The following ZBTB41 variants were observed in gnomAD, a reference collection of about 807,000 sequenced individuals.
The protein encoded by ZBTB41 is zinc finger and BTB domain containing 41, also known as zinc finger and BTB domain-containing protein 41.
In ZBTB41, 42 loss-of-function variants were observed where a neutral mutation model predicts 87.6. The observed-to-expected ratio is 0.48, with a 90% confidence interval of 0.37 to 0.62. The LOEUF (loss-of-function observed/expected upper bound fraction) is 0.62, where lower values mean the gene tolerates loss of function less well. ZBTB41 is among the 20% of genes least tolerant of loss of function. ZBTB41 has a pLI of 0.00. For missense variants in ZBTB41, 799 were observed against 1,078.9 expected, an observed-to-expected ratio of 0.74 and a Z score of 3.63; for synonymous variants, 364 against 364.0, an observed-to-expected ratio of 1.00 and a Z score of 0.00.
chr1:197,176,374 T>A (rs941609230), intron 8 of ZBTB41, among the ~76,000 whole-genome samples, 190 bp downstream of exon 8: 16 of 152,114 alleles, frequency 1.1e-4, no homozygotes, highest in African/African-American at 3.9e-4. Flanking sequence ...AAAATTACAG[T>A]GAATATGTCA....
In ZBTB41 at chr1:197,194,913, T is replaced by G. The variant is rs561278334; in HGVS notation, c.1121-3014A>C. Among the ~76,000 whole-genome samples the G allele has an allele frequency of 5.3e-5, 8 of 152,314 alleles. No individual in the cohort carries two copies. The East Asian group carries it at 1.5e-3, about 29-fold the overall frequency. On this transcript the variant is annotated intron_variant, in intron 2 of 10. Coordinates refer to ENST00000367405, the MANE Select transcript of ZBTB41 (RefSeq NM_194314.3). ...TGGACCCAGAAGAGCTAGGTAGATC[T>G]CTACAGACTAGTGGGAAAATATATG...
At chr1:197,187,594 G>A (rs530782441) in intron 5 of ZBTB41, among the ~76,000 whole-genome samples, 11 of 152,058 alleles carry the variant, frequency 7.2e-5, no homozygotes, top group African/African-American at 2.4e-4. Context: ...GTATTGTTAT[G>A]TTTTGTTATT....
chr1:197,172,038 G>A (rs1659492660), intron 10 of ZBTB41, 122 bp downstream of exon 10: 2 of 357,934 alleles, frequency 5.6e-6, no homozygotes, highest in Non-Finnish European at 1.0e-5. Context: ...AATCTTAATG[G>A]GGAAAACCAA....
At chr1:197,170,098 T>G (rs1483222668) in intron 10 of ZBTB41, among the ~76,000 whole-genome samples, 3 of 151,954 alleles carry the variant, frequency 2.0e-5, no homozygotes, top group African/African-American at 7.2e-5. Flanking sequence ...TGTACTGAAC[T>G]GGCCAAAACT....
chr1:197,188,337 T>G lies in ZBTB41; in HGVS notation c.1501A>C (p.Lys501Gln). The G allele has an allele frequency of 1.9e-6, 3 of 1,613,862 alleles. No individual in the cohort carries two copies. Among genetic ancestry groups the G allele is most frequent in the Non-Finnish European group, 2.5e-6 (3 of 1,179,916 alleles). The change falls in exon 5 of 11, where the codon AAA becomes CAA. Residue 501 changes from lysine to glutamine, a missense_variant. Coordinates refer to ENST00000367405, the MANE Select transcript of ZBTB41 (RefSeq NM_194314.3). ...FKCTYCEEHFKSRFARLKHQE... is the reference protein window; with the variant it reads ...FKCTYCEEHFQSRFARLKHQE... ...TGCTTTAACCGAGCAAACCGTGATT[T>G]AAAATGTTCTTCACAATAGGTACAC...
In ZBTB41 at chr1:197,190,661, A is replaced by G. The variant is rs41314027; in HGVS notation, c.1398+101T>C. ...ATAAAAGGAAAATTCTAAAAGTGAG[A>G]TAAGCTAAGTCACATTACTTTAAAA... is the stretch of plus-strand genomic sequence containing the variant. On this transcript the variant is annotated intron_variant, in intron 4 of 10. Transcript: ENST00000367405. 4.6e-3 allele frequency: 3,003 copies of G among 649,950 alleles called. 21 individuals carry two copies. The highest frequency in any genetic ancestry group is 4.6e-3 in the Non-Finnish European group (1,763 of 381,356). 40.3% of individuals were successfully genotyped at this position (649,950 alleles called of 1,614,324 possible). A position where few individuals can be genotyped will look rare whatever the true frequency, so the allele number is the denominator to read the frequency against.
rs1659125579 is a variant in ZBTB41, at chr1:197,158,547, A to C, written c.*812T>G. The C allele has an allele frequency of 6.6e-6, 1 of 152,430 alleles. No homozygotes were observed. The highest frequency in any genetic ancestry group is 2.4e-5 in the African/African-American group (1 of 41,442). The allele number at this position is 152,430 out of a possible 1,614,324, so 9.4% of individuals were successfully genotyped here. On this transcript the variant is annotated 3_prime_UTR_variant, in exon 11 of 11. Coordinates refer to ENST00000367405, the MANE Select transcript of ZBTB41 (RefSeq NM_194314.3). ...GTTGTATTGTCAACATTTCTGAAAT[A>C]AATAGTAAAGTACAAAAGGTGAACT... is the stretch of plus-strand genomic sequence containing the variant.
At chr1:197,183,214 A>G (rs1384220427) in intron 5 of ZBTB41, among the ~76,000 whole-genome samples, 1 of 152,210 alleles carries the variant, frequency 6.6e-6, no homozygotes, top group African/African-American at 2.4e-5. Flanking sequence ...GAAAACTATA[A>G]TACTAGAAAT....
At chr1:197,192,532 T>C (rs1164352504) in intron 2 of ZBTB41, among the ~76,000 whole-genome samples, 1 of 152,226 alleles carries the variant, frequency 6.6e-6, no homozygotes, top group East Asian at 1.9e-4. Flanking sequence ...CTATTATTAT[T>C]ACTGGGTAAT....
At chr1:197,190,519 T>C (rs1571666363) in intron 4 of ZBTB41, among the ~76,000 whole-genome samples, 2 of 152,204 alleles carry the variant, frequency 1.3e-5, no homozygotes, top group African/African-American at 2.4e-5. Context: ...TAACCATAAA[T>C]ACATGGTATG....
chr1:197,171,243 T>C (rs187043307), intron 10 of ZBTB41, among the ~76,000 whole-genome samples: 1 of 152,254 alleles, frequency 6.6e-6, no homozygotes, highest in African/African-American at 2.4e-5. Context: ...TTTTACACTT[T>C]TATTTATGCT....
At position 197,155,963 on chromosome 1, in the gene ZBTB41, T is replaced by A. The variant is rs886442680; in HGVS notation, c.*3396A>T. 2 of 152,254 alleles carry A rather than the reference T, an allele frequency of 1.3e-5. No individual in the cohort carries two copies. The highest frequency in any genetic ancestry group is 4.1e-4 in the South Asian group (2 of 4,828). The allele number at this position is 152,254 out of a possible 1,614,324, so 9.4% of individuals were successfully genotyped here. A position where few individuals can be genotyped will look rare whatever the true frequency, so the allele number is the denominator to read the frequency against. Reference sequence around the variant, plus strand: ...GGTTGGGTTTCTTACAAAAATAACCTCAACTTGACTTAAAAAAATTCGAAG... The same window carrying A: ...GGTTGGGTTTCTTACAAAAATAACCACAACTTGACTTAAAAAAATTCGAAG... On this transcript the variant is annotated 3_prime_UTR_variant, in exon 11 of 11. Coordinates refer to ENST00000367405, the MANE Select transcript of ZBTB41 (RefSeq NM_194314.3).
At chr1:197,160,797 C>G (rs1309147450) in intron 10 of ZBTB41, among the ~76,000 whole-genome samples, 2 of 152,196 alleles carry the variant, frequency 1.3e-5, no homozygotes, top group East Asian at 3.9e-4. Flanking sequence ...AAGGTAAGAC[C>G]TTGAAATAGG....
intron 10 of ZBTB41, among the ~76,000 whole-genome samples, chr1:197,164,547 G>GA (rs1409958908): frequency 1.3e-5 from 2 of 150,232 alleles, no homozygotes; most frequent in Non-Finnish European, 3.0e-5. Flanking sequence ...AGTAAAAAAA[G>GA]AAAAAATATT....
chr1:197,198,217 C>G (rs983434612), intron 2 of ZBTB41, among the ~76,000 whole-genome samples: 4 of 152,054 alleles, frequency 2.6e-5, no homozygotes, highest in African/African-American at 9.7e-5. Flanking sequence ...TTACACACAG[C>G]CTCAGTTAAA....
At position 197,200,390 on chromosome 1, in the gene ZBTB41, T is replaced by G; in HGVS notation, c.84A>C (p.Ala28=). 1 of 1,613,884 alleles carries G rather than the reference T, an allele frequency of 6.2e-7. No homozygotes were observed. The highest frequency in any genetic ancestry group is 8.5e-7 in the Non-Finnish European group (1 of 1,179,950). ...YHKDSSEGNV[A]VECDQVTYTH... ...TATAGGTCACTTGGTCACACTCCAC[T>G]GCAACATTTCCTTCTGAAGAATCTT... Residue 28 remains alanine (A), a synonymous_variant, in exon 2 of 11, where the codon GCA becomes GCC. Transcript: ENST00000367405.
chr1:197,176,406 T>A (rs1056567357), intron 8 of ZBTB41, among the ~76,000 whole-genome samples, 158 bp downstream of exon 8: 1 of 152,210 alleles, frequency 6.6e-6, no homozygotes, highest in Admixed American at 6.5e-5. Context: ...CCCTTTTGGA[T>A]GCTTTTTAAA....
chr1:197,192,367 G>A (rs1660057283), intron 2 of ZBTB41, among the ~76,000 whole-genome samples: 1 of 151,942 alleles, frequency 6.6e-6, no homozygotes, highest in African/African-American at 2.4e-5. Flanking sequence ...ACGTGACCTT[G>A]GACAAGTAAC....
In ZBTB41 at chr1:197,172,070, A is replaced by G. The variant is rs547625085; in HGVS notation, c.2074+90T>C. On this transcript the variant is annotated intron_variant, in intron 10 of 10. Coordinates refer to ENST00000367405, the MANE Select transcript of ZBTB41 (RefSeq NM_194314.3). ...CCAAAGAAATTTAACCAAGAACAACAAAGTTTAAATGCCTATATTTTACTT... is the reference window on the plus strand; with the variant it reads ...CCAAAGAAATTTAACCAAGAACAACGAAGTTTAAATGCCTATATTTTACTT... 28 of 478,632 alleles carry G rather than the reference A, an allele frequency of 5.9e-5. No homozygotes were observed. In the South Asian group the frequency reaches 9.1e-4, roughly 15 times the overall value. 29.6% of individuals were successfully genotyped at this position (478,632 alleles called of 1,614,324 possible). A position where few individuals can be genotyped will look rare whatever the true frequency, so the allele number is the denominator to read the frequency against.
Sources: allele counts gnomAD v4.1 joint callset (sites outside exome capture counted in the v4.1 genomes callset), GRCh38; gene constraint gnomAD v4.1.1; transcripts MANE v1.5; gene names NCBI Gene and HGNC (gene_info 2026-07-23, HGNC 2026-07-21).